NRXN1: variants seen among roughly 807,000 people sequenced by gnomAD.
NRXN1 encodes neurexin 1.
A neutral mutation model predicts 150.9 loss-of-function variants in NRXN1; 39 were observed. The ratio of observed to expected loss-of-function variants is 0.26; its 90% CI spans 0.20 to 0.34. The LOEUF (loss-of-function observed/expected upper bound fraction) is 0.34. Among genes scored for constraint, NRXN1 ranks in the 10% least tolerant of loss-of-function variants. The probability of loss-of-function intolerance (pLI) is 1.00; values close to 1 mark genes in which losing one functional copy is unlikely to be tolerated. For synonymous variants in NRXN1, 924 were observed against 757.0 expected, an observed-to-expected ratio of 1.22 and a Z score of -3.62; for missense variants, 1,815 against 1,949.9, an observed-to-expected ratio of 0.93 and a Z score of 1.30.
intron 18 of NRXN1, among the ~76,000 whole-genome samples, chr2:50,198,492 A>G (rs1160454274): frequency 6.6e-6 from 1 of 152,080 alleles, no homozygotes; most frequent in Non-Finnish European, 1.5e-5. Context: ...TTTTTCCCCA[A>G]CCTCTCGAAT....
At position 50,180,878 on chromosome 2, in the gene NRXN1, G is replaced by T. The variant is rs549068277; in HGVS notation, c.3546+55911C>A. 7.2e-5 allele frequency among the ~76,000 whole-genome samples: 11 copies of T among 152,204 alleles called. No homozygotes were observed. In the East Asian group the frequency reaches 1.4e-3, roughly 19 times the overall value. On this transcript the variant is annotated intron_variant, in intron 18 of 22. Transcript: ENST00000401669. ...ATGTGGTAAATTGAATTAAATAAAA[G>T]AATCTAAAATGACTGTCTTAATTTT...
intron 8 of NRXN1, among the ~76,000 whole-genome samples, chr2:50,586,757 A>T (rs1271805631): frequency 6.6e-6 from 1 of 152,190 alleles, no homozygotes; most frequent in Non-Finnish European, 1.5e-5. Flanking sequence ...CATAGAAGCT[A>T]ACACCTCAAC....
intron 5 of NRXN1, among the ~76,000 whole-genome samples, chr2:50,760,675 A>T (rs1048050449): frequency 6.6e-6 from 1 of 151,080 alleles, no homozygotes; most frequent in Non-Finnish European, 1.5e-5. Flanking sequence ...CCTTCACAGA[A>T]AAAAAAAAGT....
intron 5 of NRXN1, among the ~76,000 whole-genome samples, chr2:50,735,599 C>T (rs1429225775): frequency 6.6e-6 from 1 of 152,140 alleles, no homozygotes; most frequent in Non-Finnish European, 1.5e-5. Flanking sequence ...TATTGTTTGT[C>T]TTTTCTTTGC....
chr2:50,819,480 T>C (rs1669404917), intron 5 of NRXN1, among the ~76,000 whole-genome samples: 1 of 151,966 alleles, frequency 6.6e-6, no homozygotes, highest in Admixed American at 6.6e-5. Context: ...AATGATCAAG[T>C]TCATATAAGT....
At chr2:50,809,910 A>G (rs1193097707) in intron 5 of NRXN1, among the ~76,000 whole-genome samples, 1 of 152,148 alleles carries the variant, frequency 6.6e-6, no homozygotes, top group Admixed American at 6.6e-5. Context: ...ATACCTGTCA[A>G]TTTTCTATAT....
At chr2:50,223,751 T>C (rs2064104777) in intron 18 of NRXN1, among the ~76,000 whole-genome samples, 2 of 151,974 alleles carry the variant, frequency 1.3e-5, no homozygotes, top group South Asian at 4.1e-4. Context: ...CTCATTTACA[T>C]GCTTAAGTAC....
chr2:50,266,329 G>C (rs2068860727), intron 17 of NRXN1, among the ~76,000 whole-genome samples: 1 of 149,370 alleles, frequency 6.7e-6, no homozygotes, highest in Non-Finnish European at 1.5e-5. Context: ...CTTGACTCCA[G>C]TTTTTCCAAG....
intron 8 of NRXN1, among the ~76,000 whole-genome samples, chr2:50,585,840 T>C (rs988391777): frequency 1.1e-4 from 17 of 152,166 alleles, no homozygotes; most frequent in African/African-American, 3.9e-4. Flanking sequence ...ATGAACCCTG[T>C]TCTTTCAGTG....
At chr2:50,011,378 C>A (rs1187129628) in intron 21 of NRXN1, among the ~76,000 whole-genome samples, 2 of 152,080 alleles carry the variant, frequency 1.3e-5, no homozygotes, top group Non-Finnish European at 2.9e-5. Context: ...TTGGCAGATA[C>A]ACAGAAATAA....
chr2:50,803,731 T>C (rs960337541), intron 5 of NRXN1, among the ~76,000 whole-genome samples: 1 of 152,206 alleles, frequency 6.6e-6, no homozygotes, highest in African/African-American at 2.4e-5. Context: ...TTTAGTTATA[T>C]AAGGTCATAA....
chr2:50,621,501 T>A (rs1265810224), intron 6 of NRXN1, among the ~76,000 whole-genome samples: 1 of 152,174 alleles, frequency 6.6e-6, no homozygotes, highest in African/African-American at 2.4e-5. Context: ...TTTTTCCTGC[T>A]ATTATTGTTC....
chr2:50,240,662 G>C (rs1465191202), intron 17 of NRXN1, among the ~76,000 whole-genome samples: 2 of 151,542 alleles, frequency 1.3e-5, no homozygotes. Context: ...GAGAGATCTG[G>C]GTTCAAATTC....
At chr2:50,031,542 G>A (rs971889659) in intron 21 of NRXN1, among the ~76,000 whole-genome samples, 1 of 151,806 alleles carries the variant, frequency 6.6e-6, no homozygotes, top group Non-Finnish European at 1.5e-5. Flanking sequence ...CACAATATAT[G>A]GAATTTAGAA....
chr2:50,447,737 T>TTTTATATATATATATA (rs1208594855), intron 17 of NRXN1, among the ~76,000 whole-genome samples: 554 of 37,844 alleles, frequency 0.015, 118 homozygotes, highest in African/African-American at 0.055. Context: ...CAGGGGAACG[T>TTTTATATATATATATA]TATATATATA....
Position 50,780,845 on chromosome 2 carries a change from C to T in NRXN1, c.832+141024G>A, listed in dbSNP as rs145374275. The stretch of plus-strand genomic sequence containing the variant: ...TGTGTTTTGTTCATCTTTGCTTTTC[C>T]GGTAACCATCCTCTGGGTATCTTTC... On this transcript the variant is annotated intron_variant, in intron 5 of 22. Coordinates refer to ENST00000401669, the MANE Select transcript of NRXN1 (RefSeq NM_001330078.2). Among the ~76,000 whole-genome samples, 1,152 of 152,128 alleles carry T rather than the reference C, an allele frequency of 7.6e-3. 16 individuals carry two copies. Among genetic ancestry groups the T allele is most frequent in the African/African-American group, 0.026 (1,068 of 41,496 alleles).
intron 17 of NRXN1, among the ~76,000 whole-genome samples, chr2:50,433,143 A>G (rs182272798): frequency 3.9e-5 from 6 of 152,356 alleles, no homozygotes; most frequent in East Asian, 3.9e-4. Flanking sequence ...AAGCTATTCT[A>G]TGGAAAGATG....
chr2:50,540,154 A>G (rs910139770), intron 9 of NRXN1, among the ~76,000 whole-genome samples: 9 of 152,328 alleles, frequency 5.9e-5, no homozygotes, highest in Middle Eastern at 3.4e-3. Flanking sequence ...TCAGAGAAAG[A>G]AAAGGGAAAA....
At chr2:50,855,966 G>A (rs1317774958) in intron 5 of NRXN1, among the ~76,000 whole-genome samples, 4 of 150,420 alleles carry the variant, frequency 2.7e-5, no homozygotes, top group African/African-American at 4.9e-5. Context: ...AAAATCCTAT[G>A]TCTTTCTAAT....
Sources: allele counts gnomAD v4.1 joint callset (sites outside exome capture counted in the v4.1 genomes callset), GRCh38; gene constraint gnomAD v4.1.1; transcripts MANE v1.5; gene names NCBI Gene and HGNC (gene_info 2026-07-23, HGNC 2026-07-21).